NYAP2: variants seen among roughly 807,000 people sequenced by gnomAD.
NYAP2 encodes neuronal tyrosine-phosphorylated phosphoinositide-3-kinase adaptor 2.
In NYAP2, 23 loss-of-function variants were observed where a neutral mutation model predicts 50.4. That is an observed-to-expected ratio of 0.46 (90% CI 0.33 to 0.65). NYAP2 has a LOEUF of 0.65. Among genes scored for constraint, NYAP2 ranks in the 30% least tolerant of loss-of-function variants. NYAP2 has a pLI of 0.02. For missense variants in NYAP2, 885 were observed against 861.0 expected (o/e 1.03, Z -0.35); for synonymous variants, 394 against 365.2 (o/e 1.08, Z -0.90).
At chr2:225,459,874 C>T (rs909357781) in intron 3 of NYAP2, among the ~76,000 whole-genome samples, 1 of 152,152 alleles carries the variant, frequency 6.6e-6, no homozygotes, top group East Asian at 1.9e-4. Context: ...GGGGTTTCAC[C>T]GTGTTAGCCC....
rs567146352 is a variant in NYAP2, at chr2:225,464,630, G to A, written c.222-48741G>A. 2.6e-5 allele frequency among the ~76,000 whole-genome samples: 4 copies of A among 152,316 alleles called. No individual in the cohort carries two copies. In the East Asian group the frequency reaches 7.7e-4, roughly 29 times the overall value. On this transcript the variant is annotated intron_variant, in intron 3 of 6. Transcript: ENST00000636099. ...ATGGTTACCAGAACTTTTGGATTAAGGAGAAGCTAAACAATTGTTAACATG... is the reference window on the plus strand; with the variant it reads ...ATGGTTACCAGAACTTTTGGATTAAAGAGAAGCTAAACAATTGTTAACATG...
intron 3 of NYAP2, among the ~76,000 whole-genome samples, chr2:225,444,870 A>G (rs971205080): frequency 6.6e-6 from 1 of 152,216 alleles, no homozygotes; most frequent in African/African-American, 2.4e-5. Context: ...TATTTGTGCT[A>G]TTGATCAGTG....
intron 6 of NYAP2, among the ~76,000 whole-genome samples, chr2:225,630,999 G>A (rs1349059018): frequency 6.6e-6 from 1 of 152,210 alleles, no homozygotes; most frequent in Admixed American, 6.5e-5. Flanking sequence ...ATTCAAAACT[G>A]AGACTAGACT....
chr2:225,674,836 A>C, the NYAP2 span, among the ~76,000 whole-genome samples: 1 of 152,156 alleles, frequency 6.6e-6, no homozygotes, highest in Non-Finnish European at 1.5e-5. Flanking sequence ...TGCCAAAGGC[A>C]TGAGGTCATC....
chr2:225,660,328 C>T, the NYAP2 span, among the ~76,000 whole-genome samples: 1 of 152,026 alleles, frequency 6.6e-6, no homozygotes, highest in African/African-American at 2.4e-5. Context: ...CCCAATACTA[C>T]TTACTCACCT....
chr2:225,534,561 A>C (rs1295353147), intron 4 of NYAP2, among the ~76,000 whole-genome samples: 1 of 152,230 alleles, frequency 6.6e-6, no homozygotes, highest in Non-Finnish European at 1.5e-5. Context: ...TGATCAGTGC[A>C]ATAGAAGAAA....
At chr2:225,654,554 C>T (rs186377485), downstream of NYAP2, among the ~76,000 whole-genome samples, 1 of 151,888 alleles carries the variant, frequency 6.6e-6, no homozygotes, top group Non-Finnish European at 1.5e-5. Context: ...CGTGGTGGCA[C>T]ACACCTGTAA....
chr2:225,626,607 G>A (rs1002281309), intron 5 of NYAP2, among the ~76,000 whole-genome samples: 5 of 152,188 alleles, frequency 3.3e-5, no homozygotes, highest in African/African-American at 7.2e-5. Flanking sequence ...AGAAAGTAAA[G>A]AGAGTGAGTG....
At chr2:225,540,623 T>A (rs1017039761) in intron 4 of NYAP2, among the ~76,000 whole-genome samples, 1 of 152,182 alleles carries the variant, frequency 6.6e-6, no homozygotes, top group South Asian at 2.1e-4. Context: ...CACAGCCAAA[T>A]CATATCAGGC....
chr2:225,549,476 G>A (rs1691636313), intron 4 of NYAP2, among the ~76,000 whole-genome samples: 1 of 152,120 alleles, frequency 6.6e-6, no homozygotes, highest in Non-Finnish European at 1.5e-5. Context: ...AATACTTGAT[G>A]GAGTCATTGC....
Position 225,566,329 on chromosome 2 carries a change from T to G in NYAP2, c.524-15612T>G, listed in dbSNP as rs546523943. Among the ~76,000 whole-genome samples the G allele has an allele frequency of 3.8e-3, 583 of 152,280 alleles. 6 individuals carry two copies. Among genetic ancestry groups the G allele is most frequent in the African/African-American group, 0.013 (545 of 41,562 alleles). On this transcript the variant is annotated intron_variant, in intron 4 of 6. Coordinates refer to ENST00000636099, the Ensembl canonical transcript of NYAP2. ...ATGCTGCTTCCTCTGTGATCTCAGG[T>G]ACTTAAGAAGATCACAAACATTTCT...
intron 3 of NYAP2, among the ~76,000 whole-genome samples, chr2:225,476,502 T>G (rs1690111006): frequency 6.6e-6 from 1 of 152,130 alleles, no homozygotes; most frequent in African/African-American, 2.4e-5. Flanking sequence ...TACCCAGCAA[T>G]GTGCTGGTAA....
intron 3 of NYAP2, among the ~76,000 whole-genome samples, chr2:225,489,173 C>T (rs1285904140): frequency 6.6e-6 from 1 of 151,492 alleles, no homozygotes; most frequent in Non-Finnish European, 1.5e-5. Flanking sequence ...CCTTTTTCCC[C>T]TTTTTCTTTC....
At chr2:225,525,890 G>A (rs1691141928) in intron 4 of NYAP2, among the ~76,000 whole-genome samples, 1 of 152,174 alleles carries the variant, frequency 6.6e-6, no homozygotes, top group African/African-American at 2.4e-5. Flanking sequence ...TATCATCTTT[G>A]GACCTGAGGC....
At chr2:225,499,669 GA>G (rs1380256687) in intron 3 of NYAP2, among the ~76,000 whole-genome samples, 1 of 152,136 alleles carries the variant, frequency 6.6e-6, no homozygotes, top group Non-Finnish European at 1.5e-5. Flanking sequence ...GATACACAAA[GA>G]ATGTGACTTA....
intron 4 of NYAP2, among the ~76,000 whole-genome samples, chr2:225,528,016 CCTT>C (rs1458285004): frequency 6.6e-6 from 1 of 152,152 alleles, no homozygotes; most frequent in Non-Finnish European, 1.5e-5. Context: ...AATCGCTTCA[CCTT>C]CTTCCATAAT....
the NYAP2 span, among the ~76,000 whole-genome samples, chr2:225,675,834 A>G: frequency 1.3e-5 from 2 of 152,136 alleles, no homozygotes; most frequent in Admixed American, 6.6e-5. Context: ...AATAGTCACC[A>G]TTCCAATTGA....
chr2:225,458,679 A>G (rs1180350312), intron 3 of NYAP2, among the ~76,000 whole-genome samples: 1 of 152,236 alleles, frequency 6.6e-6, no homozygotes, highest in African/African-American at 2.4e-5. Context: ...CTGTGTGAAG[A>G]TTTGGTAAGA....
At chr2:225,462,155 T>G (rs1689845072) in intron 3 of NYAP2, among the ~76,000 whole-genome samples, 1 of 152,232 alleles carries the variant, frequency 6.6e-6, no homozygotes. Context: ...TTTATTTAAT[T>G]AATACTCAAG....
Sources: allele counts gnomAD v4.1 joint callset (sites outside exome capture counted in the v4.1 genomes callset), GRCh38; gene constraint gnomAD v4.1.1; transcripts MANE v1.5; gene names NCBI Gene and HGNC (gene_info 2026-07-23, HGNC 2026-07-21).